The following FAM184A variants were observed in gnomAD, a reference collection of about 807,000 sequenced individuals.
FAM184A encodes the protein protein FAM184A.
In FAM184A, 99 loss-of-function variants were observed where a neutral mutation model predicts 143.8. The ratio of observed to expected loss-of-function variants is 0.69; its 90% CI spans 0.58 to 0.81. FAM184A has a LOEUF of 0.81. FAM184A is among the 40% of genes least tolerant of loss of function. The pLI, the probability that FAM184A is intolerant of heterozygous loss-of-function variation, is 0.00. For synonymous variants in FAM184A, 427 were observed against 446.4 expected, an observed-to-expected ratio of 0.96 and a Z score of 0.55; for missense variants, 1,217 against 1,310.5, an observed-to-expected ratio of 0.93 and a Z score of 1.10.
At chr6:119,059,753 T>C (rs774052039) in intron 1 of FAM184A, among the ~76,000 whole-genome samples, 1 of 152,238 alleles carries the variant, frequency 6.6e-6, no homozygotes, top group Non-Finnish European at 1.5e-5. Flanking sequence ...CAGCACTTAT[T>C]ATAAACAAAG....
intron 1 of FAM184A, among the ~76,000 whole-genome samples, chr6:119,127,787 A>G (rs1459163696): frequency 6.6e-6 from 1 of 152,218 alleles, no homozygotes; most frequent in African/African-American, 2.4e-5. Context: ...AGGCATGAGT[A>G]TGTGCAGTGT....
chr6:118,966,289 A>G (rs1783499048), intron 15 of FAM184A, among the ~76,000 whole-genome samples: 1 of 152,208 alleles, frequency 6.6e-6, no homozygotes. Flanking sequence ...ACCCAGTGTT[A>G]CTGACTTTCC....
intron 1 of FAM184A, among the ~76,000 whole-genome samples, chr6:119,039,517 A>G (rs1786238635): frequency 6.6e-6 from 1 of 152,252 alleles, no homozygotes; most frequent in African/African-American, 2.4e-5. Flanking sequence ...AAAAGAAGCC[A>G]AATTGAAAAA....
At chr6:119,074,361 G>C (rs1292448714) in intron 1 of FAM184A, among the ~76,000 whole-genome samples, 3 of 152,228 alleles carry the variant, frequency 2.0e-5, no homozygotes, top group East Asian at 3.9e-4. Flanking sequence ...GACAGAGCAA[G>C]AGACCAGTTA....
intron 1 of FAM184A, among the ~76,000 whole-genome samples, chr6:119,124,348 T>C (rs944427876): frequency 2.6e-5 from 4 of 152,204 alleles, no homozygotes; most frequent in Admixed American, 2.6e-4. Context: ...ACAACTTTTA[T>C]TGACTGGCAA....
At chr6:119,035,473 C>G (rs1786074164) in intron 1 of FAM184A, among the ~76,000 whole-genome samples, 2 of 152,152 alleles carry the variant, frequency 1.3e-5, no homozygotes, top group Admixed American at 1.3e-4. Context: ...GTATTTCACT[C>G]CAAAATATAT....
At chr6:119,092,118 T>C (rs367632714) in intron 1 of FAM184A, among the ~76,000 whole-genome samples, 187 of 152,340 alleles carry the variant, frequency 1.2e-3, no homozygotes, top group African/African-American at 4.4e-3. Flanking sequence ...TATATCCACA[T>C]GACTTTTATT....
chr6:118,999,834 A>G (rs955570707), intron 9 of FAM184A, among the ~76,000 whole-genome samples: 1 of 152,196 alleles, frequency 6.6e-6, no homozygotes, highest in Non-Finnish European at 1.5e-5. Flanking sequence ...GAGGTGCACA[A>G]TTAGCTATGA....
chr6:119,069,548 G>A (rs989814305), intron 1 of FAM184A, among the ~76,000 whole-genome samples: 7 of 152,066 alleles, frequency 4.6e-5, no homozygotes, highest in African/African-American at 1.7e-4. Flanking sequence ...ATCCAAATGC[G>A]ACACTTCATT....
intron 1 of FAM184A, among the ~76,000 whole-genome samples, chr6:119,089,184 CTCTT>C (rs1562145796): frequency 1.7e-5 from 2 of 120,148 alleles, no homozygotes; most frequent in Admixed American, 7.8e-5. Context: ...TTATCTCTCT[CTCTT>C]TATTTATTTA....
At chr6:119,047,742 A>G (rs1402738672) in intron 1 of FAM184A, among the ~76,000 whole-genome samples, 1 of 152,252 alleles carries the variant, frequency 6.6e-6, no homozygotes, top group African/African-American at 2.4e-5. Flanking sequence ...TAAATAGCCT[A>G]AAAACCAAAA....
intron 1 of FAM184A, among the ~76,000 whole-genome samples, chr6:119,026,257 T>C (rs1223999990): frequency 6.6e-6 from 1 of 152,178 alleles, no homozygotes; most frequent in East Asian, 1.9e-4. Context: ...ACATTCTGTT[T>C]TTAAAAAACC....
intron 1 of FAM184A, among the ~76,000 whole-genome samples, chr6:119,031,853 A>T (rs9387628): frequency 0.35 from 53,782 of 152,130 alleles, 10,475 homozygotes; most frequent in East Asian, 0.68. Flanking sequence ...AGCACATTTC[A>T]TTTGGAAGAG....
In FAM184A at chr6:118,974,489, G is replaced by C; in HGVS notation, c.2854C>G (p.Arg952Gly). 5 of 1,612,050 alleles carry C rather than the reference G, an allele frequency of 3.1e-6. No homozygotes were observed. The highest frequency in any genetic ancestry group is 4.2e-6 in the Non-Finnish European group (5 of 1,178,872). Residue 952 changes from arginine to glycine, a missense_variant, in exon 14 of 18, where the codon CGG becomes GGG. Physicochemically the swap from Arg to Gly is moderately radical, Grantham distance 125. Coordinates refer to ENST00000338891, the MANE Select transcript of FAM184A (RefSeq NM_024581.6). ...TCGTTAGTCTTATTAAAATCTGCCC[G>C]CATGATATTTTTCTCTCTGAGGTGG... ...ADHLREKNIM[R>G]ADFNKTNELL...
intron 1 of FAM184A, among the ~76,000 whole-genome samples, chr6:119,095,091 C>CA (rs1188036743): frequency 3.3e-5 from 5 of 151,692 alleles, no homozygotes; most frequent in African/African-American, 9.7e-5. Context: ...ACAGCTGCAG[C>CA]AAAAAAAATC....
intron 1 of FAM184A, among the ~76,000 whole-genome samples, chr6:119,120,811 TCTTTCTTTCTTTCTTC>T (rs1448951568): frequency 4.1e-4 from 4 of 9,744 alleles, no homozygotes; most frequent in Middle Eastern, 0.071. Context: ...TTTTTCTCTT[TCTTTCTTTCTTTCTTC>T]CTTTCTTTCT....
chr6:118,960,116 T>C lies in FAM184A; in HGVS notation c.3410A>G (p.Tyr1137Cys). ...AACACAATTCTTTCAGAATGTGAAG[T>C]ACCGGGCAAACCACTCCTGGCGCTG... Reference protein sequence around the residue: ...DPQRQEWFARYFTF With the variant: ...DPQRQEWFARCFTF Residue 1137 changes from tyrosine to cysteine, a missense_variant, in exon 18 of 18, where the codon TAC becomes TGC. Coordinates refer to ENST00000338891, the MANE Select transcript of FAM184A (RefSeq NM_024581.6). 1 of 1,613,256 alleles carries C rather than the reference T, an allele frequency of 6.2e-7. No homozygotes were observed. Among genetic ancestry groups the C allele is most frequent in the South Asian group, 1.1e-5 (1 of 91,070 alleles).
chr6:119,056,572 A>C (rs1276804276), intron 1 of FAM184A, among the ~76,000 whole-genome samples: 1 of 152,218 alleles, frequency 6.6e-6, no homozygotes, highest in East Asian at 1.9e-4. Flanking sequence ...AGCACAGTTC[A>C]TCAACTCACT....
intron 1 of FAM184A, among the ~76,000 whole-genome samples, chr6:119,109,079 A>G (rs982136489): frequency 6.6e-6 from 1 of 150,968 alleles, no homozygotes; most frequent in Admixed American, 6.6e-5. Context: ...AATTATCCCT[A>G]TTCCTATCTC....
Sources: gnomAD v4.1 joint callset for allele counts (sites outside exome capture counted in the v4.1 genomes callset) on GRCh38, gnomAD v4.1.1 for gene constraint, MANE v1.5 for transcripts, NCBI Gene and HGNC (gene_info 2026-07-23, HGNC 2026-07-21) for gene names.